The following RNGTT variants were observed in gnomAD, a reference collection of about 807,000 sequenced individuals.
RNGTT encodes RNA guanylyltransferase and 5'-phosphatase.
RNGTT carries 33 observed loss-of-function variants against 79.3 expected under a neutral mutation model. The observed-to-expected ratio is 0.42, with a 90% CI of 0.32 to 0.56. RNGTT has a LOEUF of 0.56. Among genes scored for constraint, RNGTT ranks in the 20% least tolerant of loss-of-function variants. The pLI, the probability that RNGTT is intolerant of heterozygous loss-of-function variation, is 0.17. For synonymous variants in RNGTT, 222 were observed against 235.9 expected (o/e 0.94, Z 0.54); for missense variants, 497 against 739.1 (o/e 0.67, Z 3.80).
chr6:88,681,803 A>AC (rs1775104579), intron 13 of RNGTT, among the ~76,000 whole-genome samples: 1 of 152,144 alleles, frequency 6.6e-6, no homozygotes, highest in South Asian at 2.1e-4. Flanking sequence ...CATTACCATA[A>AC]CCTTTATACA....
chr6:88,767,413 GA>G, intron 13 of RNGTT, among the ~76,000 whole-genome samples: 1 of 151,880 alleles, frequency 6.6e-6, no homozygotes, highest in Non-Finnish European at 1.5e-5. Context: ...GAAACTGCAA[GA>G]AAAAATAACA....
chr6:88,939,552 C>G (rs1784779286), intron 2 of RNGTT, among the ~76,000 whole-genome samples: 1 of 151,862 alleles, frequency 6.6e-6, no homozygotes, highest in African/African-American at 2.4e-5. Flanking sequence ...TTTCAGTATT[C>G]TCTTCTTTCT....
chr6:88,632,506 GT>G (rs2127769869), intron 14 of RNGTT, among the ~76,000 whole-genome samples: 1 of 149,600 alleles, frequency 6.7e-6, no homozygotes, highest in Non-Finnish European at 1.5e-5. Flanking sequence ...AAGAAAAACA[GT>G]TTATATAGCA....
At chr6:88,709,711 GGT>G (rs1280307725) in intron 13 of RNGTT, among the ~76,000 whole-genome samples, 1 of 152,150 alleles carries the variant, frequency 6.6e-6, no homozygotes, top group Non-Finnish European at 1.5e-5. Context: ...TTCAAAATGT[GGT>G]GTGTTATTTT....
At chr6:88,736,481 C>G (rs1482041990) in intron 13 of RNGTT, among the ~76,000 whole-genome samples, 1 of 152,164 alleles carries the variant, frequency 6.6e-6, no homozygotes, top group Non-Finnish European at 1.5e-5. Flanking sequence ...ACTAACTTCT[C>G]TAATACTTTG....
At chr6:88,937,855 T>C (rs932603833) in intron 2 of RNGTT, among the ~76,000 whole-genome samples, 1 of 152,232 alleles carries the variant, frequency 6.6e-6, no homozygotes, top group African/African-American at 2.4e-5. Flanking sequence ...CCAAAGTCCC[T>C]TATTATTGAC....
intron 14 of RNGTT, among the ~76,000 whole-genome samples, chr6:88,667,607 G>A (rs773290950): frequency 6.6e-6 from 1 of 152,062 alleles, no homozygotes; most frequent in East Asian, 1.9e-4. Flanking sequence ...TATCCAACAC[G>A]AACTGAGAAA....
At chr6:88,763,949 T>C (rs554647294) in intron 13 of RNGTT, among the ~76,000 whole-genome samples, 1 of 152,334 alleles carries the variant, frequency 6.6e-6, no homozygotes, top group African/African-American at 2.4e-5. Context: ...AAGATGGCTC[T>C]GCAGCAAGTT....
At chr6:88,905,150 G>C (rs968954640) in intron 5 of RNGTT, among the ~76,000 whole-genome samples, 195 bp from the exon 6 acceptor site, 1 of 152,072 alleles carries the variant, frequency 6.6e-6, no homozygotes, top group East Asian at 1.9e-4. Context: ...TTAATATAAG[G>C]TATTCAGAAA....
In RNGTT at chr6:88,800,480, T is replaced by A. The variant is rs140805138; in HGVS notation, c.1338+1084A>T. ...AGGCACCCAGTCTGATGTCTCCATA[T>A]ATAAATTCTCAACTAGCTTATACTC... On this transcript the variant is annotated intron_variant, in intron 12 of 15. Coordinates refer to ENST00000369485, the MANE Select transcript of RNGTT (RefSeq NM_003800.5). 2.3e-3 allele frequency among the ~76,000 whole-genome samples: 355 copies of A among 152,314 alleles called. 1 individual carries two copies. The highest frequency in any genetic ancestry group is 8.3e-3 in the African/African-American group (343 of 41,574).
intron 13 of RNGTT, among the ~76,000 whole-genome samples, chr6:88,757,044 T>C (rs1013830723): frequency 3.9e-5 from 6 of 152,208 alleles, no homozygotes; most frequent in African/African-American, 1.2e-4. Context: ...CACTGCTACA[T>C]TACCAACTAA....
intron 12 of RNGTT, among the ~76,000 whole-genome samples, chr6:88,779,531 A>G (rs62431771): frequency 0.14 from 21,018 of 152,194 alleles, 1,592 homozygotes; most frequent in Middle Eastern, 0.24. Context: ...TTTGTCTAAT[A>G]AGAAAACAAC....
intron 13 of RNGTT, among the ~76,000 whole-genome samples, chr6:88,698,637 T>C (rs1435990724): frequency 6.6e-6 from 1 of 152,014 alleles, no homozygotes; most frequent in Non-Finnish European, 1.5e-5. Context: ...TCTAAACACA[T>C]TTATACTAAT....
intron 14 of RNGTT, among the ~76,000 whole-genome samples, chr6:88,637,331 G>A (rs2127771755): frequency 6.6e-6 from 1 of 152,098 alleles, no homozygotes; most frequent in Non-Finnish European, 1.5e-5. Flanking sequence ...AACTATTAAT[G>A]GCAGTAAATG....
At chr6:88,852,135 T>C (rs1221940091) in intron 9 of RNGTT, among the ~76,000 whole-genome samples, 2 of 152,052 alleles carry the variant, frequency 1.3e-5, no homozygotes. Context: ...TAAATACCTC[T>C]CTTTGGGTTA....
intron 13 of RNGTT, among the ~76,000 whole-genome samples, chr6:88,699,114 T>G (rs1423365186): frequency 6.6e-6 from 1 of 152,172 alleles, no homozygotes; most frequent in Non-Finnish European, 1.5e-5. Flanking sequence ...ATAATAATAT[T>G]TTTCCATTCT....
intron 2 of RNGTT, among the ~76,000 whole-genome samples, chr6:88,939,578 T>A (rs1006886687): frequency 1.3e-5 from 2 of 152,172 alleles, no homozygotes; most frequent in African/African-American, 4.8e-5. Flanking sequence ...AGAGCTTCCT[T>A]AGTATCAAAA....
At chr6:88,952,295 C>T (rs185529077) in intron 1 of RNGTT, among the ~76,000 whole-genome samples, 1 of 152,276 alleles carries the variant, frequency 6.6e-6, no homozygotes, top group Admixed American at 6.5e-5. Context: ...GAGCCCATAT[C>T]CACCTAATCC....
At chr6:88,782,660 G>T (rs1779103029) in intron 12 of RNGTT, among the ~76,000 whole-genome samples, 1 of 152,062 alleles carries the variant, frequency 6.6e-6, no homozygotes, top group South Asian at 2.1e-4. Context: ...ATCCACAGGG[G>T]TTAATATCCA....
Sources: allele counts gnomAD v4.1 joint callset (sites outside exome capture counted in the v4.1 genomes callset), GRCh38; gene constraint gnomAD v4.1.1; transcripts MANE v1.5; gene names NCBI Gene and HGNC (gene_info 2026-07-23, HGNC 2026-07-21).